Variants in CNTN5 observed in about 807,000 individuals in gnomAD.
CNTN5 encodes the protein contactin 5, also known as contactin-5.
In CNTN5, 77 loss-of-function variants were observed where a neutral mutation model predicts 129.1. The ratio of observed to expected loss-of-function variants is 0.60; its 90% CI spans 0.50 to 0.72. CNTN5 has a LOEUF of 0.72. Ranked by LOEUF, CNTN5 falls within the 30% of genes least tolerant of loss-of-function variation. The pLI is 0.00. For synonymous variants in CNTN5, 509 were observed against 465.6 expected, an observed-to-expected ratio of 1.09 and a Z score of -1.20; for missense variants, 1,478 against 1,328.8, an observed-to-expected ratio of 1.11 and a Z score of -1.75.
At chr11:99,420,637 A>C (rs901323152) in intron 2 of CNTN5, among the ~76,000 whole-genome samples, 6 of 152,150 alleles carry the variant, frequency 3.9e-5, no homozygotes, top group African/African-American at 1.4e-4. Context: ...TGAGTTGTGG[A>C]AAGGATTAAA....
chr11:99,335,314 T>C (rs1254803565), intron 2 of CNTN5, among the ~76,000 whole-genome samples: 1 of 152,062 alleles, frequency 6.6e-6, no homozygotes, highest in East Asian at 1.9e-4. Flanking sequence ...CATACAGAAG[T>C]CTTCAATCTT....
chr11:99,868,899 A>T (rs1293594521), intron 6 of CNTN5, among the ~76,000 whole-genome samples: 1 of 152,174 alleles, frequency 6.6e-6, no homozygotes, highest in Non-Finnish European at 1.5e-5. Flanking sequence ...GTCTGACAGC[A>T]GTGGGAAGAA....
chr11:99,639,779 G>A lies in CNTN5; in HGVS notation c.55+83510G>A, dbSNP rs191344316. Among the ~76,000 whole-genome samples the A allele has an allele frequency of 2.8e-3, 432 of 152,062 alleles. 4 individuals carry two copies. The highest frequency in any genetic ancestry group is 9.9e-3 in the African/African-American group (409 of 41,484). On this transcript the variant is annotated intron_variant, in intron 3 of 24. Transcript: ENST00000524871. ...AGGTTTCACCATGTTGGTCAGGCTGGTCTGAAACACCAGACCTCAGGTGAT... is the reference window on the plus strand; with the variant it reads ...AGGTTTCACCATGTTGGTCAGGCTGATCTGAAACACCAGACCTCAGGTGAT...
intron 3 of CNTN5, among the ~76,000 whole-genome samples, chr11:99,664,180 T>C (rs1009621585): frequency 6.6e-6 from 1 of 152,186 alleles, no homozygotes; most frequent in Non-Finnish European, 1.5e-5. Context: ...AGACATGCTT[T>C]GTACAAATGG....
chr11:99,826,165 A>G (rs1178567715), intron 4 of CNTN5, among the ~76,000 whole-genome samples: 1 of 152,058 alleles, frequency 6.6e-6, no homozygotes, highest in African/African-American at 2.4e-5. Context: ...TTTTTGCAAT[A>G]TAGAATTTTT....
intron 6 of CNTN5, among the ~76,000 whole-genome samples, chr11:99,878,687 C>G (rs1220448237): frequency 1.3e-5 from 2 of 151,970 alleles, no homozygotes; most frequent in Non-Finnish European, 2.9e-5. Flanking sequence ...GAAACCCCGT[C>G]TCTACTAGAA....
At position 100,290,768 on chromosome 11, in the gene CNTN5, A is replaced by C. The variant is rs904115249; in HGVS notation, c.2315-6857A>C. Among the ~76,000 whole-genome samples the C allele has an allele frequency of 1.6e-4, 24 of 150,344 alleles. No individual in the cohort carries two copies. The South Asian group carries it at 2.9e-3, about 18-fold the overall frequency. On this transcript the variant is annotated intron_variant, in intron 18 of 24. Transcript: ENST00000524871. ...CAAAATTGACAAATGGGATCTAATT[A>C]AACTAAAGAGCTTCTGCACAGCAAA...
chr11:99,251,915 T>C (rs1862126399), intron 1 of CNTN5, among the ~76,000 whole-genome samples: 1 of 152,028 alleles, frequency 6.6e-6, no homozygotes, highest in African/African-American at 2.4e-5. Context: ...AATATGGAAT[T>C]ATTTTAGAAA....
chr11:100,250,386 T>C (rs1337975423), intron 16 of CNTN5, among the ~76,000 whole-genome samples: 3 of 152,094 alleles, frequency 2.0e-5, no homozygotes, highest in Non-Finnish European at 4.4e-5. Context: ...TTTTTCCTTC[T>C]TTTTTTCCCT....
At chr11:100,342,256 C>A (rs1952181391) in intron 23 of CNTN5, among the ~76,000 whole-genome samples, 1 of 151,480 alleles carries the variant, frequency 6.6e-6, no homozygotes, top group African/African-American at 2.4e-5. Flanking sequence ...TTTTCTATAC[C>A]ATTCCCTTAC....
At chr11:99,823,545 GAT>G (rs1406206886) in intron 4 of CNTN5, among the ~76,000 whole-genome samples, 1 of 151,972 alleles carries the variant, frequency 6.6e-6, no homozygotes, top group African/African-American at 2.4e-5. Context: ...AATTAGAAGA[GAT>G]ATAATTCCAA....
rs149441289 is a variant in CNTN5, at chr11:99,767,492, A to G, written c.56-52052A>G. Among the ~76,000 whole-genome samples, 17 of 152,224 alleles carry G rather than the reference A, an allele frequency of 1.1e-4. No individual in the cohort carries two copies. In the East Asian group the frequency reaches 1.9e-3, roughly 17 times the overall value. ...TAAACAGTCTAAGTAATGGTATTCA[A>G]TTTCCTATAGCATATGTGTTTTGTA... On this transcript the variant is annotated intron_variant, in intron 3 of 24. Coordinates refer to ENST00000524871, the MANE Select transcript of CNTN5 (RefSeq NM_014361.4).
intron 2 of CNTN5, among the ~76,000 whole-genome samples, chr11:99,439,101 A>T (rs1335880391): frequency 6.6e-6 from 1 of 152,244 alleles, no homozygotes; most frequent in African/African-American, 2.4e-5. Flanking sequence ...GATTACACAT[A>T]TAAGCATTTG....
Position 99,989,082 on chromosome 11 carries a change from C to G in CNTN5, c.878-12952C>G, listed in dbSNP as rs532998166. Among the ~76,000 whole-genome samples the G allele has an allele frequency of 3.2e-4, 48 of 152,188 alleles. 1 individual carries two copies. Among genetic ancestry groups the G allele is most frequent in the Middle Eastern group, 3.4e-3 (1 of 294 alleles). On this transcript the variant is annotated intron_variant, in intron 8 of 24. Coordinates refer to ENST00000524871, the MANE Select transcript of CNTN5 (RefSeq NM_014361.4). ...TATTTCTTTGTTTTATCATGGAAAA[C>G]TTAATCTGCTAGACTTAAATGTTAG...
intron 15 of CNTN5, among the ~76,000 whole-genome samples, chr11:100,197,895 G>A (rs1343499057): frequency 6.6e-6 from 1 of 151,834 alleles, no homozygotes; most frequent in Non-Finnish European, 1.5e-5. Context: ...GAGCCAAAGT[G>A]CTATATAGCT....
chr11:99,525,946 T>C (rs1947467525), intron 2 of CNTN5, among the ~76,000 whole-genome samples: 1 of 152,228 alleles, frequency 6.6e-6, no homozygotes, highest in Admixed American at 6.5e-5. Flanking sequence ...TAAAGGTTTA[T>C]TTTAGTTACA....
chr11:99,071,078 T>C (rs993831965), intron 1 of CNTN5, among the ~76,000 whole-genome samples: 1 of 152,134 alleles, frequency 6.6e-6, no homozygotes, highest in Non-Finnish European at 1.5e-5. Context: ...GAGTATACAA[T>C]GTATCAGGCA....
At position 100,353,786 on chromosome 11, in the gene CNTN5, C is replaced by T. The variant is rs1041180272; in HGVS notation, c.3200-2331C>T. 3.3e-5 allele frequency among the ~76,000 whole-genome samples: 5 copies of T among 151,484 alleles called. 1 individual carries two copies. The highest frequency in any genetic ancestry group is 7.3e-5 in the African/African-American group (3 of 41,332). On this transcript the variant is annotated intron_variant, in intron 24 of 24. Transcript: ENST00000524871. ...TAAAATTTTTCAAAGGAAAGATTTA[C>T]GCTTTTTGCATTTGTGTGTGTGTGT...
chr11:100,153,244 T>A (rs2138319759), intron 13 of CNTN5, among the ~76,000 whole-genome samples: 1 of 152,246 alleles, frequency 6.6e-6, no homozygotes, highest in South Asian at 2.1e-4. Flanking sequence ...ACATTATTAG[T>A]AAACCTGCGC....
Sources: gnomAD v4.1 joint callset for allele counts (sites outside exome capture counted in the v4.1 genomes callset) on GRCh38, gnomAD v4.1.1 for gene constraint, MANE v1.5 for transcripts, NCBI Gene and HGNC (gene_info 2026-07-23, HGNC 2026-07-21) for gene names.